CNTNAP2: variants seen among roughly 807,000 people sequenced by gnomAD.
The protein encoded by CNTNAP2 is contactin associated protein 2.
CNTNAP2 carries 98 observed loss-of-function variants against 155.2 expected under a neutral mutation model. The observed-to-expected ratio is 0.63, with a 90% CI of 0.54 to 0.75. The LOEUF (loss-of-function observed/expected upper bound fraction) is 0.75, where lower values mean the gene tolerates loss of function less well. CNTNAP2 is among the 30% of genes least tolerant of loss of function. The pLI is 0.00. For synonymous variants in CNTNAP2, 651 were observed against 631.2 expected (o/e 1.03, Z -0.47); for missense variants, 1,727 against 1,688.1 (o/e 1.02, Z -0.40).
In CNTNAP2 at chr7:148,227,629, A is replaced by G. The variant is rs1033370912; in HGVS notation, c.3248-2017A>G. ...AGAAAGCCTGTGGTTACCGAAGTGGAAAAGAGTGAGGGAATTTAGATAGAT... is the reference window on the plus strand; with the variant it reads ...AGAAAGCCTGTGGTTACCGAAGTGGGAAAGAGTGAGGGAATTTAGATAGAT... On this transcript the variant is annotated intron_variant, in intron 19 of 23. Transcript: ENST00000361727. Among the ~76,000 whole-genome samples, 28 of 152,172 alleles carry G rather than the reference A, an allele frequency of 1.8e-4. 1 individual carries two copies. Among genetic ancestry groups the G allele is most frequent in the Non-Finnish European group, 5.9e-5 (4 of 68,024 alleles).
rs116018316 is a variant in CNTNAP2, at chr7:147,323,946, A to G, written c.1498+23656A>G. ...CCCAAAACATTAGGATCTATTAAAA[A>G]TAATGTGGATGGTTATCTAAGAGCT... On this transcript the variant is annotated intron_variant, in intron 9 of 23. Coordinates refer to ENST00000361727, the MANE Select transcript of CNTNAP2 (RefSeq NM_014141.6). Among the ~76,000 whole-genome samples the G allele has an allele frequency of 4.7e-3, 711 of 152,278 alleles. 6 individuals are homozygous for G. The highest frequency in any genetic ancestry group is 0.016 in the African/African-American group (681 of 41,562).
intron 8 of CNTNAP2, among the ~76,000 whole-genome samples, chr7:147,153,111 A>G (rs1801858675): frequency 6.6e-6 from 1 of 152,114 alleles, no homozygotes; most frequent in Non-Finnish European, 1.5e-5. Flanking sequence ...AAATTAGGAC[A>G]TCATTTGAGG....
intron 8 of CNTNAP2, among the ~76,000 whole-genome samples, chr7:147,179,530 G>C (rs1802414104): frequency 6.6e-6 from 1 of 152,190 alleles, no homozygotes; most frequent in Admixed American, 6.5e-5. Flanking sequence ...CTTGGCATGT[G>C]AGTGAGAATA....
At chr7:146,634,396 A>G (rs2129159503) in intron 1 of CNTNAP2, among the ~76,000 whole-genome samples, 1 of 152,338 alleles carries the variant, frequency 6.6e-6, no homozygotes, top group Admixed American at 6.5e-5. Context: ...AAATGGAGGA[A>G]ATAATGTTTT....
At chr7:147,768,385 TTTTTAA>T (rs1157298770) in intron 13 of CNTNAP2, among the ~76,000 whole-genome samples, 2 of 152,122 alleles carry the variant, frequency 1.3e-5, no homozygotes, top group African/African-American at 4.8e-5. Context: ...GAGGCCAAAC[TTTTTAA>T]TAGTAATCTA....
At chr7:148,148,921 A>G (rs1805245982) in intron 17 of CNTNAP2, among the ~76,000 whole-genome samples, 1 of 152,198 alleles carries the variant, frequency 6.6e-6, no homozygotes, top group African/African-American at 2.4e-5. Context: ...AGCCCTTTCC[A>G]AATCCTTCCC....
At chr7:148,093,209 T>C (rs1472423916) in intron 15 of CNTNAP2, among the ~76,000 whole-genome samples, 1 of 152,102 alleles carries the variant, frequency 6.6e-6, no homozygotes, top group Non-Finnish European at 1.5e-5. Context: ...AAATTAAATT[T>C]TTTTAAAAAG....
chr7:147,567,408 A>G (rs988303928), intron 12 of CNTNAP2, among the ~76,000 whole-genome samples: 3 of 152,210 alleles, frequency 2.0e-5, no homozygotes, highest in Non-Finnish European at 4.4e-5. Flanking sequence ...TAATTTAATC[A>G]GGCATTGTAT....
intron 21 of CNTNAP2, among the ~76,000 whole-genome samples, chr7:148,360,182 C>T (rs1291559881): frequency 1.3e-5 from 2 of 152,094 alleles, no homozygotes; most frequent in East Asian, 1.9e-4. Context: ...CTGACTGCTC[C>T]GAAATAAACA....
chr7:147,531,095 C>T (rs1258251741), intron 11 of CNTNAP2, among the ~76,000 whole-genome samples: 1 of 152,188 alleles, frequency 6.6e-6, no homozygotes. Flanking sequence ...GGTGGGTTCC[C>T]ATGGTCTTGG....
At chr7:147,716,927 C>G (rs141282514) in intron 13 of CNTNAP2, among the ~76,000 whole-genome samples, 2,508 of 152,206 alleles carry the variant, frequency 0.016, 223 homozygotes, top group Admixed American at 0.15. Flanking sequence ...ACCCGGTGCT[C>G]AGCTTGAGGT....
chr7:147,632,648 C>T (rs1795106325), intron 12 of CNTNAP2, among the ~76,000 whole-genome samples: 1 of 152,108 alleles, frequency 6.6e-6, no homozygotes, highest in Non-Finnish European at 1.5e-5. Flanking sequence ...CAGACTAATA[C>T]AGTAAATTGG....
At position 147,586,845 on chromosome 7, in the gene CNTNAP2, C is replaced by T. The variant is rs565507399; in HGVS notation, c.1897+24588C>T. 4.7e-4 allele frequency among the ~76,000 whole-genome samples: 72 copies of T among 152,200 alleles called. 2 individuals are homozygous for T. Among genetic ancestry groups the T allele is most frequent in the South Asian group, 1.0e-3 (5 of 4,816 alleles). On this transcript the variant is annotated intron_variant, in intron 12 of 23. Coordinates refer to ENST00000361727, the MANE Select transcript of CNTNAP2 (RefSeq NM_014141.6). ...CCTTTTTCTAATTCATGCAAAGACA[C>T]CATATGGGCTACCTGTGGCCTGGCA...
chr7:146,432,241 A>C (rs549262695), intron 1 of CNTNAP2, among the ~76,000 whole-genome samples: 1 of 152,244 alleles, frequency 6.6e-6, no homozygotes, highest in African/African-American at 2.4e-5. Context: ...TTTCCTGTTA[A>C]ATAATTCTTA....
chr7:147,947,559 G>A (rs1412043056), intron 14 of CNTNAP2, among the ~76,000 whole-genome samples: 1 of 151,882 alleles, frequency 6.6e-6, no homozygotes, highest in Non-Finnish European at 1.5e-5. Flanking sequence ...AGCCAGGGAG[G>A]TAGAGAGGCT....
chr7:147,555,430 A>G (rs1799933813), intron 11 of CNTNAP2, among the ~76,000 whole-genome samples: 1 of 152,218 alleles, frequency 6.6e-6, no homozygotes, highest in Non-Finnish European at 1.5e-5. Context: ...ATGTACAAGT[A>G]TATAGTAAGC....
intron 16 of CNTNAP2, among the ~76,000 whole-genome samples, chr7:148,119,562 T>C (rs1337837947): frequency 1.3e-5 from 2 of 152,096 alleles, no homozygotes; most frequent in Admixed American, 6.5e-5. Context: ...CTTTGCCAAG[T>C]CTGTCCCCTT....
chr7:146,810,381 T>A (rs535210615), intron 2 of CNTNAP2, among the ~76,000 whole-genome samples: 1 of 152,050 alleles, frequency 6.6e-6, no homozygotes, highest in Non-Finnish European at 1.5e-5. Context: ...CCTTATAGTT[T>A]TTAGTGTATG....
chr7:147,291,465 T>C (rs1341858249), intron 8 of CNTNAP2, among the ~76,000 whole-genome samples: 1 of 152,222 alleles, frequency 6.6e-6, no homozygotes, highest in Non-Finnish European at 1.5e-5. Context: ...AAAAATTCAT[T>C]GATGCTGTTG....
Sources: allele counts gnomAD v4.1 joint callset (sites outside exome capture counted in the v4.1 genomes callset), GRCh38; gene constraint gnomAD v4.1.1; transcripts MANE v1.5; gene names NCBI Gene and HGNC (gene_info 2026-07-23, HGNC 2026-07-21).